PCDHGC5: variants seen among roughly 807,000 people sequenced by gnomAD.
PCDHGC5 encodes protocadherin gamma subfamily C, 5, also known as protocadherin gamma-C5.
PCDHGC5 carries 25 observed loss-of-function variants against 59.0 expected under a neutral mutation model. The observed-to-expected ratio is 0.42, with a 90% confidence interval of 0.31 to 0.59. The LOEUF is 0.59. Among genes scored for constraint, PCDHGC5 ranks in the 20% least tolerant of loss-of-function variants. PCDHGC5 has a pLI of 0.13. For missense variants in PCDHGC5, 1,067 were observed against 1,206.4 expected (o/e 0.88, Z 1.71); for synonymous variants, 434 against 505.5 (o/e 0.86, Z 1.90).
In PCDHGC5 at chr5:141,490,701, C is replaced by T; in HGVS notation, c.1461C>T (p.Ala487=). The change falls in exon 1 of 4, where the codon GCC becomes GCT. Residue 487 remains alanine, a synonymous_variant. Transcript: ENST00000252087. This position sits in a 1 kb window ranked among gnomAD's most constrained non-coding sequence, Gnocchi z 5.4. The part of the protein sequence containing the change: ...AASDPDTGDN[A]RLTYSIVGNQ... Reference sequence around the variant, plus strand: ...CAGATCCAGACACTGGGGATAATGCCCGCCTCACCTACTCCATTGTAGGAA... The same window carrying T: ...CAGATCCAGACACTGGGGATAATGCTCGCCTCACCTACTCCATTGTAGGAA... The T allele has an allele frequency of 6.2e-7, 1 of 1,614,184 alleles. No individual in the cohort carries two copies. The highest frequency in any genetic ancestry group is 8.5e-7 in the Non-Finnish European group (1 of 1,180,008).
chr5:141,491,871 C>T lies in PCDHGC5; in HGVS notation c.2460+171C>T, dbSNP rs1222191027. 2.1e-6 allele frequency: 3 copies of T among 1,451,434 alleles called. No individual in the cohort carries two copies. Among genetic ancestry groups the T allele is most frequent in the Non-Finnish European group, 2.7e-6 (3 of 1,098,418 alleles). 89.9% of individuals were successfully genotyped at this position (1,451,434 alleles called of 1,614,324 possible). ...ACCGTTTGCGCGAAACCAGAGTGGC[C>T]GATTAAGGGATGGGGCTCCGAGCAC... On this transcript the variant is annotated intron_variant, in intron 1 of 3. Transcript: ENST00000252087. The surrounding 1 kb of genome is among the most constrained non-coding windows in gnomAD (Gnocchi z 6.9).
In PCDHGC5 at chr5:141,493,307, AAG is replaced by A. The variant is rs2099747490; in HGVS notation, c.2461-1494_2461-1493del. Among the ~76,000 whole-genome samples, 1 of 152,234 alleles carries A rather than the reference AAG, an allele frequency of 6.6e-6. No homozygotes were observed. Among genetic ancestry groups the A allele is most frequent in the South Asian group, 2.1e-4 (1 of 4,832 alleles). ...ACTTGCTCAAGTTCACAGAGCAAGT[AAG>A]AGAGATTCTAACCCCTGTCTAACTC... On this transcript the variant is annotated intron_variant, in intron 1 of 3. Transcript: ENST00000252087. This position sits in a 1 kb window ranked among gnomAD's most constrained non-coding sequence, Gnocchi z 4.3.
At position 141,500,368 on chromosome 5, in the gene PCDHGC5, C is replaced by T. The variant is rs181410708; in HGVS notation, c.2520-5025C>T. Among the ~76,000 whole-genome samples, 364 of 152,050 alleles carry T rather than the reference C, an allele frequency of 2.4e-3. 3 individuals carry two copies. The highest frequency in any genetic ancestry group is 9.2e-3 in the Admixed American group (140 of 15,274). ...GGACTACAGGCGCCCACTACCACGCCCGGCTAATTATTTTGTATTTTTAGT... is the reference window on the plus strand; with the variant it reads ...GGACTACAGGCGCCCACTACCACGCTCGGCTAATTATTTTGTATTTTTAGT... On this transcript the variant is annotated intron_variant, in intron 2 of 3. Transcript: ENST00000252087.
Position 141,510,960 on chromosome 5 carries a change from G to C in PCDHGC5, c.2622G>C (p.Gly874=). The change falls in exon 4 of 4, where the codon GGG becomes GGC. Residue 874 remains glycine, a synonymous_variant. Transcript: ENST00000252087. ...CTGTCTCTGCAGAAGCTGCTGATGG[G>C]AGCTCCACCCTGGGAGGGGGTGCCG... The part of the protein sequence containing the change: ...ILASASEAAD[G]SSTLGGGAGT... 1 of 1,614,120 alleles carries C rather than the reference G, an allele frequency of 6.2e-7. No homozygotes were observed. Among genetic ancestry groups the C allele is most frequent in the Non-Finnish European group, 8.5e-7 (1 of 1,180,022 alleles).
chr5:141,511,144 A>C lies in PCDHGC5; in HGVS notation c.2806A>C (p.Lys936Gln). 2 of 1,614,202 alleles carry C rather than the reference A, an allele frequency of 1.2e-6. No homozygotes were observed. The highest frequency in any genetic ancestry group is 1.7e-6 in the Non-Finnish European group (2 of 1,180,016). The change falls in exon 4 of 4, where the codon AAG becomes CAG. Residue 936 changes from lysine to glutamine, a missense_variant. By Grantham distance (53) the Lys-to-Gln change is moderately conservative. Transcript: ENST00000252087. Reference sequence around the variant, plus strand: ...CCCAGCAGGTGGCAATGGCAACAAGAAGAAGTCGGGCAAGAAGGAGAAGAA... The same window carrying C: ...CCCAGCAGGTGGCAATGGCAACAAGCAGAAGTCGGGCAAGAAGGAGAAGAA... ...KAPAGGNGNK[K>Q]KSGKKEKK
Position 141,490,350 on chromosome 5 carries a change from G to T in PCDHGC5, c.1110G>T (p.Gly370=). Residue 370 remains glycine, a synonymous_variant, in exon 1 of 4, where the codon GGG becomes GGT. Transcript: ENST00000252087. This position sits in a 1 kb window ranked among gnomAD's most constrained non-coding sequence, Gnocchi z 5.4. ...LESTPVGTVV[G]LFNVRDRDSG... Reference sequence around the variant, plus strand: ...GCACACCAGTGGGCACAGTAGTGGGGTTGTTTAATGTGCGAGACCGGGACT... The same window carrying T: ...GCACACCAGTGGGCACAGTAGTGGGTTTGTTTAATGTGCGAGACCGGGACT... 2 of 1,614,204 alleles carry T rather than the reference G, an allele frequency of 1.2e-6. No homozygotes were observed. The highest frequency in any genetic ancestry group is 1.7e-6 in the Non-Finnish European group (2 of 1,180,034).
In PCDHGC5 at chr5:141,493,164, T is replaced by C. The variant is rs558860783; in HGVS notation, c.2460+1464T>C. Among the ~76,000 whole-genome samples the C allele has an allele frequency of 4.6e-5, 7 of 152,340 alleles. 1 individual carries two copies. The South Asian group carries it at 1.2e-3, about 27-fold the overall frequency. On this transcript the variant is annotated intron_variant, in intron 1 of 3. Coordinates refer to ENST00000252087, the MANE Select transcript of PCDHGC5 (RefSeq NM_018929.3). The surrounding 1 kb of genome is among the most constrained non-coding windows in gnomAD (Gnocchi z 4.3). Reference sequence around the variant, plus strand: ...ACCCCCAGGTGATTTTGATAGCTGATTGAGAGAAACTTACTATATAACTCC... The same window carrying C: ...ACCCCCAGGTGATTTTGATAGCTGACTGAGAGAAACTTACTATATAACTCC...
rs1057108915 is a variant in PCDHGC5 at position 141,511,366 on chromosome 5, T to C, written c.*193T>C. The C allele has an allele frequency of 3.8e-6, 5 of 1,306,414 alleles. No individual in the cohort carries two copies. In the Admixed American group the frequency reaches 8.4e-5, roughly 22 times the overall value. The allele number at this position is 1,306,414 out of a possible 1,614,324, so 80.9% of individuals were successfully genotyped here. A position where few individuals can be genotyped will look rare whatever the true frequency, so the allele number is the denominator to read the frequency against. On this transcript the variant is annotated 3_prime_UTR_variant, in exon 4 of 4. Transcript: ENST00000252087. ...CCCTTCCCCCCCAGGGGGTTGAATA[T>C]GCAAAAGCAGTTCCGCTGGGAACCC...
rs201424832 is a variant in PCDHGC5 at position 141,490,802 on chromosome 5, C to T, written c.1562C>T (p.Thr521Ile). Residue 521 changes from threonine to isoleucine, a missense_variant, in exon 1 of 4, where the codon ACC (threonine) becomes ATC (isoleucine). By Grantham distance (89) the Thr-to-Ile change is moderately conservative (BLOSUM62 -1). Transcript: ENST00000252087. This position sits in a 1 kb window ranked among gnomAD's most constrained non-coding sequence, Gnocchi z 5.4. ...PEDGRIFAQR[T>I]FDYELLQMLQ... Reference sequence around the variant, plus strand: ...GATGGACGGATCTTTGCCCAGCGTACCTTTGACTATGAATTGCTGCAGATG... The same window carrying T: ...GATGGACGGATCTTTGCCCAGCGTATCTTTGACTATGAATTGCTGCAGATG... 1 of 1,613,944 alleles carries T rather than the reference C, an allele frequency of 6.2e-7. No homozygotes were observed. Among genetic ancestry groups the T allele is most frequent in the East Asian group, 2.2e-5 (1 of 44,886 alleles).
chr5:141,509,765 T>G (rs1312823974), intron 3 of PCDHGC5, among the ~76,000 whole-genome samples: 2 of 152,120 alleles, frequency 1.3e-5, no homozygotes, highest in Non-Finnish European at 1.5e-5. Flanking sequence ...GTCCCTGAGA[T>G]GTCTAGTCCC....
chr5:141,500,493 G>A (rs1239876467), intron 2 of PCDHGC5, among the ~76,000 whole-genome samples: 1 of 152,166 alleles, frequency 6.6e-6, no homozygotes, highest in Admixed American at 6.5e-5. Context: ...ACAGGCGTGA[G>A]CCACCGCGCC....
intron 2 of PCDHGC5, among the ~76,000 whole-genome samples, chr5:141,498,112 AG>A (rs947089103): frequency 2.0e-5 from 3 of 152,232 alleles, no homozygotes; most frequent in African/African-American, 7.2e-5. Flanking sequence ...GGCGTATAAT[AG>A]GGATTTGATT....
chr5:141,489,794 T>TA lies in PCDHGC5; in HGVS notation c.558dup (p.Asp187ArgfsTer17). The TA allele has an allele frequency of 1.2e-6, 2 of 1,614,120 alleles. No homozygotes were observed. The highest frequency in any genetic ancestry group is 2.2e-5 in the South Asian group (2 of 91,076). The stretch of plus-strand genomic sequence containing the variant: ...CACTTCTCTCTGAATGTGAAGACCC[T>TA]AAAAGATGGGAAGCCATTCCCAGAG... On this transcript the variant is annotated frameshift_variant, in exon 1 of 4. Transcript: ENST00000252087. LOFTEE classifies it high-confidence loss of function. This position sits in a 1 kb window ranked among gnomAD's most constrained non-coding sequence, Gnocchi z 4.5.
rs1048758308 is a variant in PCDHGC5 at position 141,498,931 on chromosome 5, A to T, written c.2519+4066A>T. Among the ~76,000 whole-genome samples the T allele has an allele frequency of 6.2e-4, 88 of 141,764 alleles. 1 individual carries two copies. Among genetic ancestry groups the T allele is most frequent in the Non-Finnish European group, 1.1e-3 (70 of 64,686 alleles). 93.0% of individuals were successfully genotyped at this position (141,764 alleles called of 152,430 possible). On this transcript the variant is annotated intron_variant, in intron 2 of 3. Coordinates refer to ENST00000252087, the MANE Select transcript of PCDHGC5 (RefSeq NM_018929.3). ...CTGGGTGACAGAGCGAGACTCCATC[A>T]GGAAAGAAAGAAAGAAAAAGAGAGA... is the stretch of plus-strand genomic sequence containing the variant.
At chr5:141,504,743 G>A (rs924744762) in intron 2 of PCDHGC5, among the ~76,000 whole-genome samples, 5 of 151,982 alleles carry the variant, frequency 3.3e-5, no homozygotes, top group African/African-American at 9.7e-5. Context: ...GGAAGCCATT[G>A]AATTTTAGAA....
chr5:141,511,713 C>T lies in PCDHGC5; in HGVS notation c.*540C>T. 5.4e-6 allele frequency: 1 copy of T among 186,446 alleles called. No individual in the cohort carries two copies. Among genetic ancestry groups the T allele is most frequent in the Admixed American group, 5.3e-5 (1 of 18,840 alleles). The allele number at this position is 186,446 out of a possible 1,614,324, so 11.5% of individuals were successfully genotyped here. ...TTGGTGCCAGCCCCTTCACCTCCTT[C>T]CAGAGCCCAAGATCAATGCTCAAGT... On this transcript the variant is annotated 3_prime_UTR_variant, in exon 4 of 4. Transcript: ENST00000252087.
intron 2 of PCDHGC5, among the ~76,000 whole-genome samples, chr5:141,497,962 G>A (rs2099780751): frequency 6.6e-6 from 1 of 152,236 alleles, no homozygotes; most frequent in African/African-American, 2.4e-5. Context: ...TGGCCAGGCA[G>A]TGTTCTCGAT....
At position 141,491,744 on chromosome 5, in the gene PCDHGC5, C is replaced by T; in HGVS notation, c.2460+44C>T. 6.3e-7 allele frequency: 1 copy of T among 1,592,720 alleles called. No individual in the cohort carries two copies. Among genetic ancestry groups the T allele is most frequent in the African/African-American group, 1.3e-5 (1 of 74,122 alleles). Reference sequence around the variant, plus strand: ...CCCCGGGCGACCCCTGGGGGCGGCACTGGAGAAGCCGCCCGTCCTCATAAG... The same window carrying T: ...CCCCGGGCGACCCCTGGGGGCGGCATTGGAGAAGCCGCCCGTCCTCATAAG... On this transcript the variant is annotated intron_variant, in intron 1 of 3. Transcript: ENST00000252087. The surrounding 1 kb of genome is among the most constrained non-coding windows in gnomAD (Gnocchi z 6.9).
At position 141,490,448 on chromosome 5, in the gene PCDHGC5, A is replaced by C. The variant is rs1309104827; in HGVS notation, c.1208A>C (p.His403Pro). 1 of 1,614,206 alleles carries C rather than the reference A, an allele frequency of 6.2e-7. No homozygotes were observed. Among genetic ancestry groups the C allele is most frequent in the Admixed American group, 1.7e-5 (1 of 60,030 alleles). ...TTTCAGATTAAGCCTTCTGAGAACC[A>C]CTACTCGCTGCTAACCAGCCAGCCT... is the stretch of plus-strand genomic sequence containing the variant. ...LPFQIKPSEN[H>P]YSLLTSQPLD... The change falls in exon 1 of 4, where the codon CAC becomes CCC. Residue 403 changes from histidine to proline, a missense_variant. Coordinates refer to ENST00000252087, the MANE Select transcript of PCDHGC5 (RefSeq NM_018929.3). This position sits in a 1 kb window ranked among gnomAD's most constrained non-coding sequence, Gnocchi z 5.4.
Sources: allele counts gnomAD v4.1 joint callset (sites outside exome capture counted in the v4.1 genomes callset), GRCh38; gene constraint gnomAD v4.1.1; non-coding constraint Gnocchi (gnomAD v3.1); transcripts MANE v1.5; gene names NCBI Gene and HGNC (gene_info 2026-07-23, HGNC 2026-07-21).